The following ANKRD1 variants were observed in gnomAD, a reference collection of about 807,000 sequenced individuals.
ANKRD1 encodes the protein ankyrin repeat domain 1, also known as ankyrin repeat domain-containing protein 1.
ANKRD1 carries 32 observed loss-of-function variants against 40.1 expected under a neutral mutation model. The ratio of observed to expected loss-of-function variants is 0.80; its 90% confidence interval spans 0.60 to 1.07. ANKRD1 has a LOEUF of 1.07. Among genes scored for constraint, ANKRD1 ranks in the 50% least tolerant of loss-of-function variants. The pLI is 0.00. For missense variants in ANKRD1, 359 were observed against 386.0 expected (o/e 0.93, Z 0.59); for synonymous variants, 149 against 141.2 (o/e 1.06, Z -0.39).
intron 6 of ANKRD1, 68 bp from the exon 7 acceptor site, chr10:90,915,948 A>T: frequency 6.7e-7 from 1 of 1,500,260 alleles, no homozygotes. Flanking sequence ...ACCCCAAGAC[A>T]TGTGCGAGGG....
At position 90,920,077 on chromosome 10, in the gene ANKRD1, T is replaced by C. The variant is rs1000213125; in HGVS notation, c.207+92A>G. The C allele has an allele frequency of 9.1e-6, 14 of 1,538,646 alleles. No individual in the cohort carries two copies. In the East Asian group the frequency reaches 2.7e-4, roughly 30 times the overall value. Reference sequence around the variant, plus strand: ...ATCTGGTAAAGAGACATCTTAATGATTGGGTTTGTTTCTCTCTTCTCCTTC... The same window carrying C: ...ATCTGGTAAAGAGACATCTTAATGACTGGGTTTGTTTCTCTCTTCTCCTTC... On this transcript the variant is annotated intron_variant, in intron 2 of 8. Coordinates refer to ENST00000371697, the MANE Select transcript of ANKRD1 (RefSeq NM_014391.3).
At chr10:90,920,453 G>T in intron 1 of ANKRD1, 105 bp from the exon 2 acceptor site, 1 of 1,286,212 alleles carries the variant, frequency 7.8e-7, no homozygotes, top group Non-Finnish European at 1.1e-6. Flanking sequence ...CCTGGGAACA[G>T]CCACCTTTGA....
At chr10:90,920,069 C>T in intron 2 of ANKRD1, 100 bp downstream of exon 2, 1 of 1,530,470 alleles carries the variant, frequency 6.5e-7, no homozygotes, top group Admixed American at 1.7e-5. Flanking sequence ...AAAGAGACAT[C>T]TTAATGATTG....
intron 8 of ANKRD1, among the ~76,000 whole-genome samples, chr10:90,913,978 C>T (rs1182863134): frequency 6.6e-6 from 1 of 152,158 alleles, no homozygotes; most frequent in South Asian, 2.1e-4. Flanking sequence ...ACATTGAAGT[C>T]ACTTAGGCCA....
chr10:90,915,032 AC>A (rs905103411), intron 8 of ANKRD1, among the ~76,000 whole-genome samples: 8 of 152,230 alleles, frequency 5.3e-5, no homozygotes, highest in Non-Finnish European at 8.8e-5. Context: ...AAGCACAGCT[AC>A]CCCTGGAAGA....
chr10:90,921,020 A>G lies in ANKRD1; in HGVS notation c.8T>C (p.Val3Ala). The G allele has an allele frequency of 6.2e-7, 1 of 1,614,044 alleles. No homozygotes were observed. The highest frequency in any genetic ancestry group is 8.5e-7 in the Non-Finnish European group (1 of 1,179,922). Residue 3 changes from valine to alanine, a missense_variant, in exon 1 of 9, where the codon GTA becomes GCA. By Grantham distance (64) the Val-to-Ala change is moderately conservative (BLOSUM62 0). Coordinates refer to ENST00000371697, the MANE Select transcript of ANKRD1 (RefSeq NM_014391.3). The stretch of plus-strand genomic sequence containing the variant: ...ACATACCAGTTCCTCTACTTTCAGT[A>G]CCATCATGTTGGCTGAAGGAGTCTT... MM[V>A]LKVEELVTGK...
chr10:90,913,863 C>G (rs1847342401), intron 8 of ANKRD1, among the ~76,000 whole-genome samples: 1 of 152,070 alleles, frequency 6.6e-6, no homozygotes, highest in African/African-American at 2.4e-5. Context: ...ATGAAAAAAT[C>G]AGAAGAGTTA....
chr10:90,915,770 C>G lies in ANKRD1; in HGVS notation c.750+12G>C. 6.2e-7 allele frequency: 1 copy of G among 1,613,730 alleles called. No individual in the cohort carries two copies. Among genetic ancestry groups the G allele is most frequent in the Non-Finnish European group, 8.5e-7 (1 of 1,179,926 alleles). On this transcript the variant is annotated intron_variant, in intron 7 of 8. Coordinates refer to ENST00000371697, the MANE Select transcript of ANKRD1 (RefSeq NM_014391.3). Reference sequence around the variant, plus strand: ...GAAGCTTTGGGAAACCCGAGCGTGTCCAGCTACTCACTCTGTCTTTGGCGT... The same window carrying G: ...GAAGCTTTGGGAAACCCGAGCGTGTGCAGCTACTCACTCTGTCTTTGGCGT...
At chr10:90,920,964 CA>C in intron 1 of ANKRD1, 36 bp downstream of exon 1, 1 of 1,599,636 alleles carries the variant, frequency 6.3e-7, no homozygotes. Flanking sequence ...CAAGATGAAC[CA>C]GTTTTCATTT....
chr10:90,920,729 C>T (rs190248583), intron 1 of ANKRD1, among the ~76,000 whole-genome samples: 1 of 152,278 alleles, frequency 6.6e-6, no homozygotes, highest in African/African-American at 2.4e-5. Context: ...AACACTTCTT[C>T]CCTAAGACAT....
rs1465709466 is a variant in ANKRD1, at chr10:90,915,562, T to G, written c.830A>C (p.Asp277Ala). The G allele has an allele frequency of 1.2e-6, 2 of 1,614,040 alleles. No homozygotes were observed. Among genetic ancestry groups the G allele is most frequent in the East Asian group, 4.5e-5 (2 of 44,846 alleles). The change falls in exon 8 of 9, where the codon GAT becomes GCT. Residue 277 changes from aspartate to alanine, a missense_variant. Asp to Ala is a moderately radical substitution (Grantham distance 126, BLOSUM62 -2). Coordinates refer to ENST00000371697, the MANE Select transcript of ANKRD1 (RefSeq NM_014391.3). ...ACTTACACAGTTCTTGATGTTGAGA[T>G]CCGCGCCATACATAATCAGGAGTCG... ...MIRLLIMYGA[D>A]LNIKNCAGKT...
rs774292804 is a variant in ANKRD1, at chr10:90,920,266, A to G, written c.110T>C (p.Val37Ala). 1.2e-6 allele frequency: 2 copies of G among 1,614,114 alleles called. No individual in the cohort carries two copies. The highest frequency in any genetic ancestry group is 2.2e-5 in the South Asian group (2 of 91,020). ...DFRDGEYEAA[V>A]TLEKQEDLKT... ...CAGATCCTCCTGCTTCTCTAAAGTA[A>G]CAGCAGCTTCATACTCTCCATCTCT... The change falls in exon 2 of 9, where the codon GTT becomes GCT. Residue 37 changes from valine (V) to alanine (A), a missense_variant. By Grantham distance (64) the Val-to-Ala change is moderately conservative. Coordinates refer to ENST00000371697, the MANE Select transcript of ANKRD1 (RefSeq NM_014391.3).
At chr10:90,916,082 G>T (rs1356923871) in intron 6 of ANKRD1, 89 bp downstream of exon 6, 3 of 700,964 alleles carry the variant, frequency 4.3e-6, no homozygotes, top group Non-Finnish European at 6.9e-6. Flanking sequence ...GAAGGAGGAG[G>T]GGGAGGGGGA....
chr10:90,912,740 T>C lies in ANKRD1; in HGVS notation c.*126A>G. The C allele has an allele frequency of 1.1e-6, 1 of 926,262 alleles. No individual in the cohort carries two copies. Among genetic ancestry groups the C allele is most frequent in the Non-Finnish European group, 1.8e-6 (1 of 561,138 alleles). 57.4% of individuals were successfully genotyped at this position (926,262 alleles called of 1,614,324 possible). A position where few individuals can be genotyped will look rare whatever the true frequency, so the allele number is the denominator to read the frequency against. On this transcript the variant is annotated 3_prime_UTR_variant, in exon 9 of 9. Coordinates refer to ENST00000371697, the MANE Select transcript of ANKRD1 (RefSeq NM_014391.3). Reference sequence around the variant, plus strand: ...TATAACCCTGTGCTTTCTCAAAACTTCATTAGGTACATCTTCACAACACGT... The same window carrying C: ...TATAACCCTGTGCTTTCTCAAAACTCCATTAGGTACATCTTCACAACACGT...
At position 90,916,166 on chromosome 10, in the gene ANKRD1, A is replaced by G. The variant is rs757357185; in HGVS notation, c.651+5T>C. On this transcript the variant is annotated splice_donor_5th_base_variant and intron_variant, in intron 6 of 8. Coordinates refer to ENST00000371697, the MANE Select transcript of ANKRD1 (RefSeq NM_014391.3). ...GAATGAAGGGAGAAGGAGAAGAAGG[A>G]ATACCTTATCTCGGGCGCTAATTTT... 1.2e-6 allele frequency: 2 copies of G among 1,607,476 alleles called. No homozygotes were observed. The highest frequency in any genetic ancestry group is 1.7e-6 in the Non-Finnish European group (2 of 1,174,814).
chr10:90,912,693 C>T lies in ANKRD1; in HGVS notation c.*173G>A. 3.2e-6 allele frequency: 2 copies of T among 627,516 alleles called. No individual in the cohort carries two copies. Among genetic ancestry groups the T allele is most frequent in the South Asian group, 3.6e-5 (2 of 56,032 alleles). 38.9% of individuals were successfully genotyped at this position (627,516 alleles called of 1,614,324 possible). A position where few individuals can be genotyped will look rare whatever the true frequency, so the allele number is the denominator to read the frequency against. The stretch of plus-strand genomic sequence containing the variant: ...AATACATAAAAATAAATAAGAGTTT[C>T]ACTAAAGGAAATTTAAACACCTATA... On this transcript the variant is annotated 3_prime_UTR_variant, in exon 9 of 9. Coordinates refer to ENST00000371697, the MANE Select transcript of ANKRD1 (RefSeq NM_014391.3).
intron 5 of ANKRD1, among the ~76,000 whole-genome samples, chr10:90,917,435 A>C (rs1018641905): frequency 2.6e-5 from 4 of 152,242 alleles, no homozygotes; most frequent in Admixed American, 6.5e-5. Flanking sequence ...AAGGCTGTTG[A>C]AAGGCAAGTG....
intron 8 of ANKRD1, 45 bp downstream of exon 8, chr10:90,915,498 A>G: frequency 6.4e-7 from 1 of 1,551,522 alleles, no homozygotes; most frequent in Non-Finnish European, 8.9e-7. Flanking sequence ...ATGCTCCTGG[A>G]AATTGGAAAG....
At chr10:90,918,428 G>T (rs1449559045) in intron 4 of ANKRD1, among the ~76,000 whole-genome samples, 1 of 151,974 alleles carries the variant, frequency 6.6e-6, no homozygotes, top group Non-Finnish European at 1.5e-5. Flanking sequence ...ACAGCCCAGA[G>T]GATGCAAATT....
Sources: gnomAD v4.1 joint callset for allele counts (sites outside exome capture counted in the v4.1 genomes callset) on GRCh38, gnomAD v4.1.1 for gene constraint, MANE v1.5 for transcripts, NCBI Gene and HGNC (gene_info 2026-07-23, HGNC 2026-07-21) for gene names.